The following ADAM19 variants were observed in gnomAD, a reference collection of about 807,000 sequenced individuals.
ADAM19 encodes the protein disintegrin and metalloproteinase domain-containing protein 19.
ADAM19 carries 65 observed loss-of-function variants against 114.7 expected under a neutral mutation model. The ratio of observed to expected loss-of-function variants is 0.57; its 90% CI spans 0.46 to 0.70. ADAM19 has a LOEUF of 0.70. Among genes scored for constraint, ADAM19 ranks in the 30% least tolerant of loss-of-function variants. The pLI, the probability that ADAM19 is intolerant of heterozygous loss-of-function variation, is 0.00. For synonymous variants in ADAM19, 466 were observed against 460.5 expected (o/e 1.01, Z -0.15); for missense variants, 1,063 against 1,204.7 (o/e 0.88, Z 1.74).
At chr5:157,566,990 C>T (rs1757682012) in intron 2 of ADAM19, among the ~76,000 whole-genome samples, 1 of 152,190 alleles carries the variant, frequency 6.6e-6, no homozygotes, top group South Asian at 2.1e-4. Context: ...CTTGAAGTCC[C>T]TTTCAATCCA....
intron 5 of ADAM19, 94 bp downstream of exon 5, chr5:157,530,713 C>T: frequency 9.2e-7 from 1 of 1,089,366 alleles, no homozygotes; most frequent in African/African-American, 1.5e-5. Context: ...TCAATGGACT[C>T]CTTCCCAAGG....
chr5:157,526,042 C>T (rs901066398), intron 5 of ADAM19, among the ~76,000 whole-genome samples: 1 of 151,872 alleles, frequency 6.6e-6, no homozygotes, highest in Non-Finnish European at 1.5e-5. Flanking sequence ...TATTATGCAA[C>T]CATTAAAAGA....
intron 3 of ADAM19, among the ~76,000 whole-genome samples, chr5:157,550,378 C>G (rs1365964259): frequency 6.6e-6 from 1 of 152,152 alleles, no homozygotes; most frequent in Non-Finnish European, 1.5e-5. Context: ...GGACACCACT[C>G]ATGCTGGATT....
intron 7 of ADAM19, among the ~76,000 whole-genome samples, chr5:157,518,237 T>C (rs562379268): frequency 1.3e-5 from 2 of 151,842 alleles, no homozygotes; most frequent in South Asian, 4.2e-4. Flanking sequence ...ACAAGAAATG[T>C]TAATCAGACA....
At chr5:157,568,670 G>A (rs1331357456) in intron 2 of ADAM19, 1 of 151,914 alleles carries the variant, frequency 6.6e-6, no homozygotes, top group Non-Finnish European at 1.5e-5. Context: ...ATAATATTTA[G>A]TATACAGTAT....
intron 14 of ADAM19, among the ~76,000 whole-genome samples, chr5:157,496,099 C>A (rs1755357366): frequency 6.6e-6 from 1 of 151,902 alleles, no homozygotes; most frequent in Non-Finnish European, 1.5e-5. Context: ...GCCACCATAT[C>A]AGCCACCTGA....
chr5:157,575,399 G>C (rs143032274), intron 1 of ADAM19, among the ~76,000 whole-genome samples: 1 of 152,246 alleles, frequency 6.6e-6, no homozygotes, highest in Non-Finnish European at 1.5e-5. Flanking sequence ...TTCTGGCTGC[G>C]CCGGGTTTCC....
Position 157,526,173 on chromosome 5 carries a change from T to TATAC in ADAM19, c.407+4633_407+4634insGTAT, listed in dbSNP as rs1554081613. ...GTTCATATATACATATATATATATA[T>TATAC]ACACACACACACACACACACACACA... is the stretch of plus-strand genomic sequence containing the variant. On this transcript the variant is annotated intron_variant, in intron 5 of 22. Transcript: ENST00000257527. Among the ~76,000 whole-genome samples the TATAC allele has an allele frequency of 3.7e-3, 399 of 109,292 alleles. 3 individuals are homozygous for TATAC. The highest frequency in any genetic ancestry group is 0.013 in the African/African-American group (365 of 28,032). The allele number at this position is 109,292 out of a possible 152,430, so 71.7% of individuals were successfully genotyped here.
intron 2 of ADAM19, chr5:157,568,389 C>A (rs1175440811): frequency 6.6e-6 from 1 of 152,166 alleles, no homozygotes; most frequent in East Asian, 1.9e-4. Flanking sequence ...TGGGGCATTT[C>A]AAGCAAAACA....
At chr5:157,565,743 G>C (rs528633937) in intron 2 of ADAM19, among the ~76,000 whole-genome samples, 1 of 151,098 alleles carries the variant, frequency 6.6e-6, no homozygotes, top group South Asian at 2.1e-4. Flanking sequence ...ACTCAGGAAT[G>C]TGAGGCTGTT....
intron 21 of ADAM19, among the ~76,000 whole-genome samples, chr5:157,487,722 G>T (rs1210139213): frequency 1.3e-5 from 2 of 152,216 alleles, no homozygotes; most frequent in Non-Finnish European, 2.9e-5. Context: ...CTTGGGATGG[G>T]CAAGGCATCA....
intron 4 of ADAM19, among the ~76,000 whole-genome samples, chr5:157,533,471 G>A (rs1561546420): frequency 6.6e-6 from 1 of 152,148 alleles, no homozygotes; most frequent in Non-Finnish European, 1.5e-5. Flanking sequence ...GGGATTTGGA[G>A]GCCCCTCATG....
At chr5:157,574,380 C>T (rs1390044587) in intron 1 of ADAM19, among the ~76,000 whole-genome samples, 1 of 152,164 alleles carries the variant, frequency 6.6e-6, no homozygotes, top group Non-Finnish European at 1.5e-5. Flanking sequence ...CCTGGTGCTA[C>T]CCTAGAACCT....
intron 4 of ADAM19, 49 bp downstream of exon 4, chr5:157,537,864 G>T (rs527490654): frequency 6.5e-7 from 1 of 1,529,908 alleles, no homozygotes; most frequent in African/African-American, 1.4e-5. Flanking sequence ...CTAGGAGTAG[G>T]GCTGGGAGAG....
In ADAM19 at chr5:157,483,531, C is replaced by T. The variant is rs532132542; in HGVS notation, c.2551-1588G>A. ...ACATAAAATAAGTCAGCACGCTCACCGCCTAATAGAAATGTCTGTAACAGA... is the reference window on the plus strand; with the variant it reads ...ACATAAAATAAGTCAGCACGCTCACTGCCTAATAGAAATGTCTGTAACAGA... On this transcript the variant is annotated intron_variant, in intron 21 of 22. Transcript: ENST00000257527. Among the ~76,000 whole-genome samples, 19 of 152,076 alleles carry T rather than the reference C, an allele frequency of 1.2e-4. No homozygotes were observed. In the South Asian group the frequency reaches 1.7e-3, roughly 13 times the overall value.
intron 3 of ADAM19, among the ~76,000 whole-genome samples, chr5:157,545,666 G>A (rs1581344357): frequency 6.6e-6 from 1 of 152,112 alleles, no homozygotes; most frequent in East Asian, 1.9e-4. Flanking sequence ...TGAAGAATCT[G>A]AAAAAAAGCA....
rs1161155616 is a variant in ADAM19, at chr5:157,481,021, G to A, written c.2704-19C>T. On this transcript the variant is annotated intron_variant, in intron 22 of 22. Transcript: ENST00000257527. ...CTGGAAACTGGGAAGAAAAAGAAGGGAGGGAGAGAGACATCAGCTTGATGC... is the reference window on the plus strand; with the variant it reads ...CTGGAAACTGGGAAGAAAAAGAAGGAAGGGAGAGAGACATCAGCTTGATGC... 3.7e-6 allele frequency: 6 copies of A among 1,614,092 alleles called. No homozygotes were observed. In the Admixed American group the frequency reaches 1.0e-4, roughly 27 times the overall value.
chr5:157,532,484 T>C (rs2113757616), intron 4 of ADAM19, among the ~76,000 whole-genome samples: 1 of 152,306 alleles, frequency 6.6e-6, no homozygotes, highest in South Asian at 2.1e-4. Context: ...ATCAGGACGG[T>C]GTCCAACGAA....
At chr5:157,534,446 C>T (rs1756709061) in intron 4 of ADAM19, among the ~76,000 whole-genome samples, 1 of 152,122 alleles carries the variant, frequency 6.6e-6, no homozygotes, top group Non-Finnish European at 1.5e-5. Context: ...CCAGTGTGGG[C>T]AACAGAGTGA....
Sources: gnomAD v4.1 joint callset for allele counts (sites outside exome capture counted in the v4.1 genomes callset) on GRCh38, gnomAD v4.1.1 for gene constraint, MANE v1.5 for transcripts, NCBI Gene and HGNC (gene_info 2026-07-23, HGNC 2026-07-21) for gene names.